The following ST6GALNAC3 variants were observed in gnomAD, a reference collection of about 807,000 sequenced individuals.
ST6GALNAC3 encodes alpha-N-acetylgalactosaminide alpha-2,6-sialyltransferase 3.
A neutral mutation model predicts 32.7 loss-of-function variants in ST6GALNAC3; 25 were observed. The observed-to-expected ratio is 0.76, with a 90% CI of 0.56 to 1.07. The LOEUF (loss-of-function observed/expected upper bound fraction) is 1.07. ST6GALNAC3 is among the 50% of genes least tolerant of loss of function. ST6GALNAC3 has a pLI of 0.00. For missense variants in ST6GALNAC3, 355 were observed against 382.4 expected (o/e 0.93, Z 0.60); for synonymous variants, 129 against 133.1 (o/e 0.97, Z 0.21).
chr1:76,176,466 C>G (rs1203799801), intron 1 of ST6GALNAC3, among the ~76,000 whole-genome samples: 1 of 152,184 alleles, frequency 6.6e-6, no homozygotes, highest in Non-Finnish European at 1.5e-5. Context: ...CTTGTGAAAA[C>G]AATTCTAATC....
At chr1:76,267,639 C>T (rs1450245115) in intron 1 of ST6GALNAC3, among the ~76,000 whole-genome samples, 1 of 152,088 alleles carries the variant, frequency 6.6e-6, no homozygotes, top group Non-Finnish European at 1.5e-5. Context: ...AGACTGTTAT[C>T]TTCATTATCA....
At chr1:76,526,559 G>T (rs1328256152) in intron 3 of ST6GALNAC3, among the ~76,000 whole-genome samples, 1 of 152,048 alleles carries the variant, frequency 6.6e-6, no homozygotes, top group East Asian at 1.9e-4. Flanking sequence ...AGAAATTAAG[G>T]ACAGCTCCCA....
chr1:76,630,688 T>C lies in ST6GALNAC3; in HGVS notation c.*1882T>C. 2.0e-6 allele frequency: 2 copies of C among 985,684 alleles called. No individual in the cohort carries two copies. The highest frequency in any genetic ancestry group is 5.2e-4 in the Middle Eastern group (1 of 1,914). 61.1% of individuals were successfully genotyped at this position (985,684 alleles called of 1,614,324 possible). A position where few individuals can be genotyped will look rare whatever the true frequency, so the allele number is the denominator to read the frequency against. On this transcript the variant is annotated 3_prime_UTR_variant, in exon 5 of 5. Coordinates refer to ENST00000328299, the MANE Select transcript of ST6GALNAC3 (RefSeq NM_152996.4). Reference sequence around the variant, plus strand: ...TTGGATAAAGGCCTTTTGCCTACTCTCTTCTGCAATTTTGACACCTCAATA... The same window carrying C: ...TTGGATAAAGGCCTTTTGCCTACTCCCTTCTGCAATTTTGACACCTCAATA...
At chr1:76,271,746 G>C (rs931807083) in intron 1 of ST6GALNAC3, among the ~76,000 whole-genome samples, 1 of 152,202 alleles carries the variant, frequency 6.6e-6, no homozygotes, top group Non-Finnish European at 1.5e-5. Context: ...TTTGGGAAAA[G>C]ACTGCTGAAA....
chr1:76,448,054 C>T (rs988039063), intron 3 of ST6GALNAC3, among the ~76,000 whole-genome samples: 6 of 152,100 alleles, frequency 3.9e-5, no homozygotes, highest in Non-Finnish European at 7.4e-5. Context: ...AGACACTCAA[C>T]GCCAGCCAGT....
intron 1 of ST6GALNAC3, among the ~76,000 whole-genome samples, chr1:76,116,314 A>G (rs1013612202): frequency 3.3e-5 from 5 of 152,130 alleles, no homozygotes; most frequent in African/African-American, 1.2e-4. Context: ...ATGAGCTAGG[A>G]GTGTTCTGCC....
intron 1 of ST6GALNAC3, among the ~76,000 whole-genome samples, chr1:76,127,599 G>A (rs149705143): frequency 6.6e-6 from 1 of 152,148 alleles, no homozygotes; most frequent in South Asian, 2.1e-4. Flanking sequence ...TATTTTACAT[G>A]GATTATGTCA....
intron 2 of ST6GALNAC3, among the ~76,000 whole-genome samples, chr1:76,324,883 G>A (rs1195425462): frequency 1.3e-5 from 2 of 151,628 alleles, no homozygotes; most frequent in Non-Finnish European, 2.9e-5. Context: ...AAAATATAAG[G>A]TTTGCTTTTT....
At chr1:76,425,449 G>A (rs1655312218) in intron 3 of ST6GALNAC3, among the ~76,000 whole-genome samples, 1 of 151,866 alleles carries the variant, frequency 6.6e-6, no homozygotes, top group Non-Finnish European at 1.5e-5. Flanking sequence ...TTTGAGATAG[G>A]CAGCACAGAA....
Position 76,074,894 on chromosome 1 carries a change from T to G in ST6GALNAC3, c.18+10T>G, listed in dbSNP as rs1646790630. ...GGCCTGCATCCTGAAGGTAACGACTTGGATCTGTGGCTCGGACGCGTGGTT... is the reference window on the plus strand; with the variant it reads ...GGCCTGCATCCTGAAGGTAACGACTGGGATCTGTGGCTCGGACGCGTGGTT... On this transcript the variant is annotated intron_variant, in intron 1 of 4. Coordinates refer to ENST00000328299, the MANE Select transcript of ST6GALNAC3 (RefSeq NM_152996.4). 1 of 1,596,182 alleles carries G rather than the reference T, an allele frequency of 6.3e-7. No individual in the cohort carries two copies. The highest frequency in any genetic ancestry group is 1.3e-5 in the African/African-American group (1 of 74,656).
At chr1:76,484,866 A>G (rs1410128805) in intron 3 of ST6GALNAC3, among the ~76,000 whole-genome samples, 6 of 152,192 alleles carry the variant, frequency 3.9e-5, no homozygotes, top group South Asian at 2.1e-4. Context: ...GTTTGTCATA[A>G]ATAGCTCTTA....
At chr1:76,124,312 C>G (rs2631779) in intron 1 of ST6GALNAC3, among the ~76,000 whole-genome samples, 22,657 of 151,998 alleles carry the variant, frequency 0.15, 1,793 homozygotes, top group Admixed American at 0.18. Flanking sequence ...CCGTGATGAA[C>G]AAATCATGCG....
intron 3 of ST6GALNAC3, among the ~76,000 whole-genome samples, chr1:76,618,409 A>G (rs1648430271): frequency 6.6e-6 from 1 of 152,146 alleles, no homozygotes; most frequent in South Asian, 2.1e-4. Flanking sequence ...TAATATGGAT[A>G]TTAGTACTCC....
At chr1:76,126,452 C>CTTCCT (rs1263628577) in intron 1 of ST6GALNAC3, among the ~76,000 whole-genome samples, 1 of 137,780 alleles carries the variant, frequency 7.3e-6, no homozygotes, top group African/African-American at 2.5e-5. Flanking sequence ...TCCTTCCTTC[C>CTTCCT]TCTCTCTCTG....
intron 3 of ST6GALNAC3, among the ~76,000 whole-genome samples, chr1:76,572,112 T>TG (rs1665894215): frequency 6.9e-6 from 1 of 145,388 alleles, no homozygotes; most frequent in Admixed American, 6.7e-5. Flanking sequence ...TTGCTATCAT[T>TG]CCTTTTTTTT....
At chr1:76,349,230 T>C (rs1648776269) in intron 2 of ST6GALNAC3, among the ~76,000 whole-genome samples, 1 of 152,142 alleles carries the variant, frequency 6.6e-6, no homozygotes, top group African/African-American at 2.4e-5. Flanking sequence ...GGGGTAGAGT[T>C]CCCTCTTATC....
intron 3 of ST6GALNAC3, among the ~76,000 whole-genome samples, chr1:76,510,104 G>A (rs1661752473): frequency 6.6e-6 from 1 of 152,146 alleles, no homozygotes; most frequent in African/African-American, 2.4e-5. Flanking sequence ...AAAACATAGT[G>A]GTTCTGCCCT....
chr1:76,126,303 T>C (rs1435391318), intron 1 of ST6GALNAC3, among the ~76,000 whole-genome samples: 1 of 152,184 alleles, frequency 6.6e-6, no homozygotes, highest in Non-Finnish European at 1.5e-5. Context: ...TCATTAACCT[T>C]AGGCCCCTGT....
intron 3 of ST6GALNAC3, among the ~76,000 whole-genome samples, chr1:76,457,599 T>C (rs886904760): frequency 1.2e-4 from 18 of 151,808 alleles, no homozygotes; most frequent in Non-Finnish European, 2.5e-4. Flanking sequence ...AACTATCTGA[T>C]CTTTGACAAA....
Sources: allele counts gnomAD v4.1 joint callset (sites outside exome capture counted in the v4.1 genomes callset), GRCh38; gene constraint gnomAD v4.1.1; transcripts MANE v1.5; gene names NCBI Gene and HGNC (gene_info 2026-07-23, HGNC 2026-07-21).